B3GNT3: variants seen among roughly 807,000 people sequenced by gnomAD.
B3GNT3 encodes the protein N-acetyllactosaminide beta-1,3-N-acetylglucosaminyltransferase 3.
Under a neutral mutation model 11.6 loss-of-function variants are expected in B3GNT3, and 7 were observed. That is an observed-to-expected ratio of 0.60 (90% CI 0.34 to 1.13). The LOEUF (loss-of-function observed/expected upper bound fraction) is 1.13. Ranked by LOEUF, B3GNT3 falls within the 50% of genes most tolerant of loss-of-function variation. The pLI is 0.03. For missense variants in B3GNT3, 400 were observed against 507.4 expected, an observed-to-expected ratio of 0.79 and a Z score of 2.03; for synonymous variants, 201 against 222.1, an observed-to-expected ratio of 0.90 and a Z score of 0.85.
rs556571745 is a variant in B3GNT3, at chr19:17,807,638, G to C, written c.-50-120G>C. ...CTTGCAAGGGGTGGAGGAGTTAAGT[G>C]GGGGGTGAATTTCAATATTTTGCCA... On this transcript the variant is annotated intron_variant, in intron 1 of 2. Coordinates refer to ENST00000318683, the MANE Select transcript of B3GNT3 (RefSeq NM_014256.4). 13 of 640,628 alleles carry C rather than the reference G, an allele frequency of 2.0e-5. No individual in the cohort carries two copies. In the South Asian group the frequency reaches 2.3e-4, roughly 11 times the overall value. The allele number at this position is 640,628 out of a possible 1,614,324, so 39.7% of individuals were successfully genotyped here.
chr19:17,796,285 G>T (rs537242881), intron 1 of B3GNT3, among the ~76,000 whole-genome samples: 1 of 152,206 alleles, frequency 6.6e-6, no homozygotes, highest in South Asian at 2.1e-4. Context: ...TGGAGACGGG[G>T]TCTCACTATG....
intron 1 of B3GNT3, among the ~76,000 whole-genome samples, chr19:17,798,334 A>T (rs2094161889): frequency 6.6e-6 from 1 of 152,206 alleles, no homozygotes; most frequent in Admixed American, 6.5e-5. Context: ...TGCTCAGAGC[A>T]GTCACAACTC....
intron 1 of B3GNT3, among the ~76,000 whole-genome samples, chr19:17,802,603 A>G (rs1485606884): frequency 6.6e-6 from 1 of 152,016 alleles, no homozygotes; most frequent in Non-Finnish European, 1.5e-5. Flanking sequence ...AAATATGAAG[A>G]CTACGGAAAG....
chr19:17,798,601 G>A (rs2094162155), intron 1 of B3GNT3, among the ~76,000 whole-genome samples: 1 of 151,924 alleles, frequency 6.6e-6, no homozygotes, highest in South Asian at 2.1e-4. Context: ...AACCCTGGAG[G>A]CAGAGGTTGC....
chr19:17,796,057 T>C (rs2147643341), intron 1 of B3GNT3, among the ~76,000 whole-genome samples: 1 of 152,238 alleles, frequency 6.6e-6, no homozygotes, highest in Admixed American at 6.5e-5. Context: ...CCGACCATCT[T>C]TTCCTCTGGG....
intron 1 of B3GNT3, among the ~76,000 whole-genome samples, chr19:17,800,823 C>T (rs1056062785): frequency 7.3e-5 from 11 of 151,660 alleles, no homozygotes; most frequent in African/African-American, 1.2e-4. Context: ...AAAAATTAGC[C>T]GGGTGTGGTG....
chr19:17,803,853 TAAA>T (rs11318875), intron 1 of B3GNT3, among the ~76,000 whole-genome samples: 38,184 of 140,348 alleles, frequency 0.27, 4,887 homozygotes, highest in African/African-American at 0.34. Context: ...ATCCTATCAC[TAAA>T]AAAAAAAAAA....
Position 17,802,724 on chromosome 19 carries a change from C to T in B3GNT3, c.-50-5034C>T, listed in dbSNP as rs2094167790. Among the ~76,000 whole-genome samples the T allele has an allele frequency of 2.0e-5, 3 of 151,970 alleles. No individual in the cohort carries two copies. In the South Asian group the frequency reaches 6.2e-4, roughly 32 times the overall value. On this transcript the variant is annotated intron_variant, in intron 1 of 2. Coordinates refer to ENST00000318683, the MANE Select transcript of B3GNT3 (RefSeq NM_014256.4). The stretch of plus-strand genomic sequence containing the variant: ...GTTTTGAGACAGGGTCTCGCTTTGC[C>T]ACCAGGCTGGAAGTGTGATCACAGC...
chr19:17,805,651 T>C (rs560800874), intron 1 of B3GNT3, among the ~76,000 whole-genome samples: 1 of 152,116 alleles, frequency 6.6e-6, no homozygotes, highest in Admixed American at 6.6e-5. Context: ...TTGCACATGC[T>C]CCACTCTGTC....
At chr19:17,796,635 T>C (rs2240811) in intron 1 of B3GNT3, among the ~76,000 whole-genome samples, 52,897 of 152,008 alleles carry the variant, frequency 0.35, 9,349 homozygotes, top group Non-Finnish European at 0.37. Context: ...TGGGCCCCCA[T>C]ATGGCCTAGG....
chr19:17,808,212 G>C lies in B3GNT3; in HGVS notation c.405G>C (p.Lys135Asn), dbSNP rs780198026. The C allele has an allele frequency of 6.2e-7, 1 of 1,612,618 alleles. No homozygotes were observed. Among genetic ancestry groups the C allele is most frequent in the African/African-American group, 1.3e-5 (1 of 75,024 alleles). ...LLRRTWGRER[K>N]VRGLQLRLLF... ...GGCGCACGTGGGGCCGCGAGCGCAA[G>C]GTACGGGGTTTGCAGCTGCGCCTCC... is the stretch of plus-strand genomic sequence containing the variant. Residue 135 changes from lysine (K) to asparagine (N), a missense_variant, in exon 2 of 3, where the codon AAG becomes AAC. Transcript: ENST00000318683.
intron 1 of B3GNT3, among the ~76,000 whole-genome samples, chr19:17,798,795 C>T (rs932964715): frequency 7.9e-5 from 12 of 151,914 alleles, no homozygotes; most frequent in Admixed American, 2.0e-4. Context: ...GGCAACATAG[C>T]GAGACCCATC....
chr19:17,807,960 T>TCCCGGCC lies in B3GNT3; in HGVS notation c.155_156insCGGCCCC (p.Pro53GlyfsTer52). On this transcript the variant is annotated frameshift_variant, in exon 2 of 3. Transcript: ENST00000318683. LOFTEE classifies it high-confidence loss of function. ...TCCCCGAGGCCCTGGCCTGGCCCAC[T>TCCCGGCC]CCACCCACCCGCCCAGCCCCGGCCC... 1.6e-5 allele frequency: 26 copies of TCCCGGCC among 1,609,498 alleles called. No individual in the cohort carries two copies. The highest frequency in any genetic ancestry group is 2.0e-5 in the Non-Finnish European group (24 of 1,178,086).
rs1326324514 is a variant in B3GNT3 at position 17,812,587 on chromosome 19, A to T, written c.*465A>T. 2 of 165,218 alleles carry T rather than the reference A, an allele frequency of 1.2e-5. No homozygotes were observed. Among genetic ancestry groups the T allele is most frequent in the Admixed American group, 1.1e-4 (2 of 17,674 alleles). 10.2% of individuals were successfully genotyped at this position (165,218 alleles called of 1,614,324 possible). A position where few individuals can be genotyped will look rare whatever the true frequency, so the allele number is the denominator to read the frequency against. On this transcript the variant is annotated 3_prime_UTR_variant, in exon 3 of 3. Transcript: ENST00000318683. ...TGACGTGAGAAATATCTTTCAGCCCAGGAGAGAGGGGTCCTGATCTTAACC... is the reference window on the plus strand; with the variant it reads ...TGACGTGAGAAATATCTTTCAGCCCTGGAGAGAGGGGTCCTGATCTTAACC...
At chr19:17,802,098 A>G (rs895860279) in intron 1 of B3GNT3, among the ~76,000 whole-genome samples, 95 of 151,632 alleles carry the variant, frequency 6.3e-4, no homozygotes, top group African/African-American at 2.0e-3. Context: ...CAAAAAAAAA[A>G]AAAAATCATT....
In B3GNT3 at chr19:17,807,759, A is replaced by G. The variant is rs770231710; in HGVS notation, c.-49A>G. 1.3e-6 allele frequency: 2 copies of G among 1,534,240 alleles called. No individual in the cohort carries two copies. Among genetic ancestry groups the G allele is most frequent in the Non-Finnish European group, 1.8e-6 (2 of 1,133,462 alleles). The stretch of plus-strand genomic sequence containing the variant: ...TTCAGTGAGTTTTGTTTTCCACAGG[A>G]GCCGCCCAGGAGGCTCCTCAGGCCG... On this transcript the variant is annotated splice_region_variant and 5_prime_UTR_variant, in exon 2 of 3. Transcript: ENST00000318683.
At chr19:17,799,915 G>A (rs143379224) in intron 1 of B3GNT3, among the ~76,000 whole-genome samples, 48 of 152,258 alleles carry the variant, frequency 3.2e-4, no homozygotes, top group African/African-American at 9.6e-4. Context: ...ATGCTATGGA[G>A]ACCTCTGAGT....
chr19:17,799,037 C>G (rs1045283893), intron 1 of B3GNT3, among the ~76,000 whole-genome samples: 2 of 152,182 alleles, frequency 1.3e-5, no homozygotes, highest in African/African-American at 4.8e-5. Context: ...GAAAAGGCCA[C>G]TGCTTGGAGC....
intron 1 of B3GNT3, 168 bp from the exon 2 acceptor site, chr19:17,807,590 G>A (rs1209768707): frequency 1.4e-5 from 7 of 513,552 alleles, no homozygotes; most frequent in Admixed American, 3.5e-5. Context: ...AGCCAACAGG[G>A]GTTGGAGTGC....
Sources: allele counts gnomAD v4.1 joint callset (sites outside exome capture counted in the v4.1 genomes callset), GRCh38; gene constraint gnomAD v4.1.1; transcripts MANE v1.5; gene names NCBI Gene and HGNC (gene_info 2026-07-23, HGNC 2026-07-21).